The following HTR7 variants were observed in gnomAD, a reference collection of about 807,000 sequenced individuals.
HTR7 encodes 5-hydroxytryptamine receptor 7.
Under a neutral mutation model 34.0 loss-of-function variants are expected in HTR7, and 16 were observed. That is an observed-to-expected ratio of 0.47 (90% CI 0.32 to 0.71). The LOEUF (loss-of-function observed/expected upper bound fraction) is 0.71, where lower values mean the gene tolerates loss of function less well. HTR7 is among the 30% of genes least tolerant of loss of function. HTR7 has a pLI of 0.04. For synonymous variants in HTR7, 265 were observed against 260.2 expected (o/e 1.02, Z -0.18); for missense variants, 504 against 625.5 (o/e 0.81, Z 2.07).
At chr10:90,779,128 T>G (rs781600547) in intron 1 of HTR7, among the ~76,000 whole-genome samples, 2 of 152,278 alleles carry the variant, frequency 1.3e-5, no homozygotes, top group East Asian at 1.9e-4. Flanking sequence ...CTTCATAGTG[T>G]TGTTTCCTTG....
chr10:90,761,080 A>T (rs2119721519), intron 1 of HTR7, among the ~76,000 whole-genome samples: 1 of 152,278 alleles, frequency 6.6e-6, no homozygotes, highest in Non-Finnish European at 1.5e-5. Flanking sequence ...TAAATTTTTT[A>T]ATCAATCAAC....
chr10:90,745,135 A>C (rs940467088), intron 2 of HTR7, among the ~76,000 whole-genome samples: 1 of 152,204 alleles, frequency 6.6e-6, no homozygotes, highest in African/African-American at 2.4e-5. Context: ...TGCCATGTGC[A>C]TATGTCTTAG....
At chr10:90,849,486 G>A (rs993608961) in intron 1 of HTR7, among the ~76,000 whole-genome samples, 6 of 152,078 alleles carry the variant, frequency 3.9e-5, no homozygotes, top group Non-Finnish European at 7.4e-5. Flanking sequence ...GAGTAAACCC[G>A]ATGCAGGAAA....
chr10:90,759,788 A>G (rs1210462661), intron 1 of HTR7, among the ~76,000 whole-genome samples: 1 of 152,226 alleles, frequency 6.6e-6, no homozygotes, highest in Non-Finnish European at 1.5e-5. Context: ...AGTAAAAATA[A>G]TATAAGCCAC....
intron 1 of HTR7, among the ~76,000 whole-genome samples, chr10:90,816,077 G>A (rs1403915429): frequency 6.6e-6 from 1 of 152,180 alleles, no homozygotes; most frequent in Non-Finnish European, 1.5e-5. Context: ...AGTGTACAAC[G>A]AGGAGATACT....
intron 1 of HTR7, among the ~76,000 whole-genome samples, chr10:90,751,963 T>C (rs1293451948): frequency 2.0e-5 from 3 of 152,242 alleles, no homozygotes; most frequent in East Asian, 1.9e-4. Context: ...TTAAATGGTA[T>C]GTTTATTCAT....
At chr10:90,838,220 AC>A in intron 1 of HTR7, among the ~76,000 whole-genome samples, 1 of 152,248 alleles carries the variant, frequency 6.6e-6, no homozygotes, top group Non-Finnish European at 1.5e-5. Context: ...GATTTTTACC[AC>A]CAATTCTACT....
chr10:90,854,576 G>A (rs903000306), intron 1 of HTR7, among the ~76,000 whole-genome samples: 2 of 152,186 alleles, frequency 1.3e-5, no homozygotes, highest in African/African-American at 2.4e-5. Context: ...TTTGGTGGGG[G>A]AAAGATAAAA....
chr10:90,821,349 T>C (rs1190708838), intron 1 of HTR7, among the ~76,000 whole-genome samples: 1 of 152,198 alleles, frequency 6.6e-6, no homozygotes, highest in Non-Finnish European at 1.5e-5. Context: ...ACAGTGATTG[T>C]GGGACTTTGC....
intron 1 of HTR7, among the ~76,000 whole-genome samples, chr10:90,789,091 A>G (rs555003357): frequency 6.6e-6 from 1 of 152,314 alleles, no homozygotes; most frequent in South Asian, 2.1e-4. Context: ...CTTCTTCAAC[A>G]GAGATGATGG....
intron 1 of HTR7, among the ~76,000 whole-genome samples, chr10:90,843,713 A>G (rs933882861): frequency 1.3e-5 from 1 of 78,554 alleles, no homozygotes; most frequent in Non-Finnish European, 2.5e-5. Context: ...GGAAAGGTGG[A>G]AGAAAAGAAA....
At position 90,743,905 on chromosome 10, in the gene HTR7, G is replaced by A. The variant is rs1468378745; in HGVS notation, c.1296-215C>T. 6 of 682,330 alleles carry A rather than the reference G, an allele frequency of 8.8e-6. No individual in the cohort carries two copies. In the South Asian group the frequency reaches 9.0e-5, roughly 10 times the overall value. The allele number at this position is 682,330 out of a possible 1,614,324, so 42.3% of individuals were successfully genotyped here. ...CATCTATTCACTTCATTACCCCAGGGAAAATTTTCGAGTGCCTGATGAACT... is the reference window on the plus strand; with the variant it reads ...CATCTATTCACTTCATTACCCCAGGAAAAATTTTCGAGTGCCTGATGAACT... On this transcript the variant is annotated intron_variant, in intron 2 of 3. Coordinates refer to ENST00000336152, the MANE Select transcript of HTR7 (RefSeq NM_019859.4).
chr10:90,768,175 T>G (rs1234440812), intron 1 of HTR7, among the ~76,000 whole-genome samples: 1 of 152,100 alleles, frequency 6.6e-6, no homozygotes, highest in African/African-American at 2.4e-5. Context: ...CTATGTTACC[T>G]CCTCAATATC....
intron 1 of HTR7, among the ~76,000 whole-genome samples, chr10:90,852,202 T>TAAAAAA (rs60371298): frequency 1.5e-5 from 2 of 135,252 alleles, no homozygotes; most frequent in African/African-American, 2.8e-5. Flanking sequence ...TTATGTGAAG[T>TAAAAAA]AAAAAAAAAA....
chr10:90,797,978 C>A (rs1380892275), intron 1 of HTR7, among the ~76,000 whole-genome samples: 1 of 152,128 alleles, frequency 6.6e-6, no homozygotes, highest in Non-Finnish European at 1.5e-5. Context: ...CAGGGTGGAA[C>A]TCACTTTTAT....
At chr10:90,772,372 C>T (rs1845129827) in intron 1 of HTR7, among the ~76,000 whole-genome samples, 1 of 152,048 alleles carries the variant, frequency 6.6e-6, no homozygotes, top group Non-Finnish European at 1.5e-5. Context: ...ATTTCAATGT[C>T]TTACTTTTCT....
intron 1 of HTR7, among the ~76,000 whole-genome samples, chr10:90,768,751 T>G (rs917211687): frequency 2.0e-5 from 3 of 152,256 alleles, no homozygotes; most frequent in African/African-American, 4.8e-5. Flanking sequence ...CAAATGATAT[T>G]CACATCATTC....
At position 90,857,697 on chromosome 10, in the gene HTR7, G is replaced by A. The variant is rs777400409; in HGVS notation, c.-26C>T. ...CGCGCCGCCGTGTGCCGCTGCCCAT[G>A]GAGCCGGCGCCCCGGCCACGCGCCT... On this transcript the variant is annotated 5_prime_UTR_variant, in exon 1 of 4. Transcript: ENST00000336152. This position sits in a 1 kb window ranked among gnomAD's most constrained non-coding sequence, Gnocchi z 6.5. 6.8e-7 allele frequency: 1 copy of A among 1,478,962 alleles called. No homozygotes were observed. Among genetic ancestry groups the A allele is most frequent in the Non-Finnish European group, 8.9e-7 (1 of 1,128,732 alleles). The allele number at this position is 1,478,962 out of a possible 1,614,324, so 91.6% of individuals were successfully genotyped here.
chr10:90,842,224 C>G (rs888745364), intron 1 of HTR7, among the ~76,000 whole-genome samples: 7 of 152,096 alleles, frequency 4.6e-5, no homozygotes, highest in Non-Finnish European at 1.5e-5. Context: ...GCCCTTTTGC[C>G]CTCTGTTCTT....
Sources: allele counts gnomAD v4.1 joint callset (sites outside exome capture counted in the v4.1 genomes callset), GRCh38; gene constraint gnomAD v4.1.1; non-coding constraint Gnocchi (gnomAD v3.1); transcripts MANE v1.5; gene names NCBI Gene and HGNC (gene_info 2026-07-23, HGNC 2026-07-21).